SGCZ: variants seen among roughly 807,000 people sequenced by gnomAD.
SGCZ encodes zeta-sarcoglycan.
Under a neutral mutation model 41.3 loss-of-function variants are expected in SGCZ, and 40 were observed. That is an observed-to-expected ratio of 0.97 (90% CI 0.75 to 1.26). The LOEUF (loss-of-function observed/expected upper bound fraction) is 1.26. Among genes scored for constraint, SGCZ ranks in the 50% most tolerant of loss-of-function variants. The pLI is 0.00. For missense variants in SGCZ, 552 were observed against 369.8 expected (o/e 1.49, Z -4.04); for synonymous variants, 206 against 137.5 (o/e 1.50, Z -3.49).
intron 1 of SGCZ, among the ~76,000 whole-genome samples, chr8:15,010,344 C>G (rs540700614): frequency 2.6e-5 from 4 of 152,108 alleles, no homozygotes; most frequent in Non-Finnish European, 4.4e-5. Flanking sequence ...ATAATTCTAC[C>G]TCATCTATCA....
At chr8:15,116,500 G>T (rs932449518) in intron 1 of SGCZ, among the ~76,000 whole-genome samples, 1 of 152,162 alleles carries the variant, frequency 6.6e-6, no homozygotes, top group African/African-American at 2.4e-5. Context: ...AATTTTAAAC[G>T]ATAGATTTTG....
chr8:14,407,185 C>T (rs2117265216), intron 2 of SGCZ, among the ~76,000 whole-genome samples: 1 of 150,410 alleles, frequency 6.6e-6, no homozygotes, highest in African/African-American at 2.4e-5. Flanking sequence ...TCTCCTGCCT[C>T]AGCCTCCTGA....
chr8:14,167,044 A>T (rs2116990532), intron 4 of SGCZ, among the ~76,000 whole-genome samples: 1 of 152,300 alleles, frequency 6.6e-6, no homozygotes, highest in South Asian at 2.1e-4. Context: ...CAATGCATTG[A>T]TAGTACATAA....
chr8:14,521,060 G>A (rs938688801), intron 2 of SGCZ, among the ~76,000 whole-genome samples: 10 of 152,020 alleles, frequency 6.6e-5, no homozygotes, highest in South Asian at 2.1e-4. Context: ...CGTGTACATC[G>A]TACTCAGCTT....
chr8:14,679,787 C>A (rs1808385766), intron 1 of SGCZ, among the ~76,000 whole-genome samples: 1 of 151,954 alleles, frequency 6.6e-6, no homozygotes, highest in Non-Finnish European at 1.5e-5. Context: ...ACCTACTCAC[C>A]CAGAATAACT....
intron 4 of SGCZ, among the ~76,000 whole-genome samples, chr8:14,213,846 A>T (rs1805900434): frequency 6.6e-5 from 10 of 152,136 alleles, no homozygotes; most frequent in Admixed American, 5.2e-4. Flanking sequence ...GAAGTAAAAA[A>T]GTTATGTCAG....
At chr8:14,813,973 G>C (rs1801817038) in intron 1 of SGCZ, among the ~76,000 whole-genome samples, 1 of 151,934 alleles carries the variant, frequency 6.6e-6, no homozygotes, top group Admixed American at 6.6e-5. Flanking sequence ...AAGCAAATAA[G>C]TAAATAAAAA....
intron 2 of SGCZ, among the ~76,000 whole-genome samples, chr8:14,445,651 C>T (rs1235719191): frequency 6.6e-6 from 1 of 152,172 alleles, no homozygotes; most frequent in African/African-American, 2.4e-5. Flanking sequence ...CCTTGGACAT[C>T]GAACAAGAGC....
chr8:14,933,038 G>A (rs1799963067), intron 1 of SGCZ, among the ~76,000 whole-genome samples: 1 of 151,966 alleles, frequency 6.6e-6, no homozygotes, highest in South Asian at 2.1e-4. Context: ...AAGAGACAAT[G>A]GGGACTATGA....
chr8:14,304,004 G>A (rs1442180404), intron 3 of SGCZ, among the ~76,000 whole-genome samples: 7 of 151,812 alleles, frequency 4.6e-5, no homozygotes, highest in South Asian at 2.1e-4. Context: ...CTCCTGCCTC[G>A]GCCTCCCAAA....
intron 5 of SGCZ, among the ~76,000 whole-genome samples, chr8:14,118,568 A>G (rs1802596442): frequency 6.6e-6 from 1 of 152,198 alleles, no homozygotes; most frequent in African/African-American, 2.4e-5. Flanking sequence ...TAGTTTAATT[A>G]GATCCCATTT....
chr8:14,411,100 A>C (rs191929636), intron 2 of SGCZ, among the ~76,000 whole-genome samples: 1 of 152,154 alleles, frequency 6.6e-6, no homozygotes, highest in African/African-American at 2.4e-5. Flanking sequence ...TGAAATTAAA[A>C]TATCATTATG....
chr8:14,396,097 C>A (rs1235100673), intron 2 of SGCZ, among the ~76,000 whole-genome samples: 1 of 152,108 alleles, frequency 6.6e-6, no homozygotes, highest in Non-Finnish European at 1.5e-5. Context: ...CTCTTCTTGG[C>A]AATACTTAGC....
chr8:14,444,237 T>C (rs1800361525), intron 2 of SGCZ, among the ~76,000 whole-genome samples: 1 of 152,112 alleles, frequency 6.6e-6, no homozygotes, highest in Non-Finnish European at 1.5e-5. Flanking sequence ...GTTCAACCAT[T>C]GTGGAAGTCA....
chr8:15,055,867 A>T (rs572263572), intron 1 of SGCZ, among the ~76,000 whole-genome samples: 1 of 152,214 alleles, frequency 6.6e-6, no homozygotes, highest in South Asian at 2.1e-4. Context: ...TTGCTGCTCC[A>T]CCTGCCTGAA....
At chr8:14,177,595 C>A (rs1042479052) in intron 4 of SGCZ, among the ~76,000 whole-genome samples, 1 of 151,356 alleles carries the variant, frequency 6.6e-6, no homozygotes, top group Non-Finnish European at 1.5e-5. Flanking sequence ...CTGCAAGCTC[C>A]GCCTCCCGGG....
chr8:14,542,094 T>C (rs183757937), intron 2 of SGCZ, among the ~76,000 whole-genome samples: 36 of 152,304 alleles, frequency 2.4e-4, no homozygotes, highest in Admixed American at 1.8e-3. Flanking sequence ...CTGTTCACTC[T>C]GATGATATTT....
intron 2 of SGCZ, among the ~76,000 whole-genome samples, chr8:14,350,569 C>G (rs1179081811): frequency 6.6e-6 from 1 of 151,978 alleles, no homozygotes; most frequent in African/African-American, 2.4e-5. Context: ...CACCCAGTGA[C>G]CGGTACATAC....
At chr8:14,442,840 T>G (rs1262015798) in intron 2 of SGCZ, among the ~76,000 whole-genome samples, 1 of 152,188 alleles carries the variant, frequency 6.6e-6, no homozygotes, top group East Asian at 1.9e-4. Flanking sequence ...ATCTTTAAGC[T>G]CTGTTATTAT....
Sources: gnomAD v4.1 joint callset for allele counts (sites outside exome capture counted in the v4.1 genomes callset) on GRCh38, gnomAD v4.1.1 for gene constraint, MANE v1.5 for transcripts, NCBI Gene and HGNC (gene_info 2026-07-23, HGNC 2026-07-21) for gene names.